Variants in MYH11 observed in about 807,000 individuals in gnomAD.
MYH11 encodes myosin heavy chain 11.
A neutral mutation model predicts 246.6 loss-of-function variants in MYH11; 80 were observed. That is an observed-to-expected ratio of 0.32 (90% CI 0.27 to 0.39). The LOEUF is 0.39. MYH11 is among the 10% of genes least tolerant of loss of function. MYH11 has a pLI of 1.00. For synonymous variants in MYH11, 1,071 were observed against 1,015.5 expected (o/e 1.05, Z -1.04); for missense variants, 2,158 against 2,546.8 (o/e 0.85, Z 3.29).
rs143069739 is a variant in MYH11, at chr16:15,798,850, G to T, written c.503-163C>A. ...TGGGCTCATTGCCCAGGCTACAGGG[G>T]CCACGACCAAAGCCAAAAGGGCAGC... On this transcript the variant is annotated intron_variant, in intron 3 of 40. Coordinates refer to ENST00000300036, the MANE Select transcript of MYH11 (RefSeq NM_002474.3). 4.0e-3 allele frequency among the ~76,000 whole-genome samples: 610 copies of T among 152,252 alleles called. 4 individuals carry two copies. Among genetic ancestry groups the T allele is most frequent in the African/African-American group, 0.014 (591 of 41,536 alleles).
intron 1 of MYH11, among the ~76,000 whole-genome samples, chr16:15,848,376 G>T (rs1023381286): frequency 1.3e-5 from 2 of 151,968 alleles, no homozygotes; most frequent in Non-Finnish European, 2.9e-5. Flanking sequence ...TGGGACTACA[G>T]GCATGCGCTA....
chr16:15,716,554 CTG>C (rs1244110943), intron 38 of MYH11, among the ~76,000 whole-genome samples: 4 of 152,152 alleles, frequency 2.6e-5, no homozygotes, highest in African/African-American at 9.6e-5. Flanking sequence ...AAGGGTCCCA[CTG>C]TGTCACCCAG....
intron 23 of MYH11, among the ~76,000 whole-genome samples, chr16:15,739,404 C>T (rs1380618363): frequency 2.0e-5 from 3 of 151,952 alleles, no homozygotes; most frequent in Non-Finnish European, 4.4e-5. Context: ...CCCGGCCTGC[C>T]GCACTCTTAA....
Position 15,717,120 on chromosome 16 carries a change from G to C in MYH11, c.5504+20C>G, listed in dbSNP as rs901538484. On this transcript the variant is annotated intron_variant, in intron 38 of 40. Transcript: ENST00000300036. The stretch of plus-strand genomic sequence containing the variant: ...CATCACCCCCCTGCAAACTGGGTTC[G>C]GAACTCCACACCCGCATACCTGGCC... The C allele has an allele frequency of 1.2e-6, 2 of 1,613,666 alleles. No homozygotes were observed. The highest frequency in any genetic ancestry group is 2.7e-5 in the African/African-American group (2 of 74,922).
chr16:15,710,200 C>T (rs2039701048), intron 40 of MYH11, among the ~76,000 whole-genome samples: 4 of 152,150 alleles, frequency 2.6e-5, no homozygotes, highest in Admixed American at 2.6e-4. Context: ...GGGGCAGAAC[C>T]CACAGGAGGT....
chr16:15,805,312 C>G (rs924131536), intron 3 of MYH11, among the ~76,000 whole-genome samples: 2 of 152,168 alleles, frequency 1.3e-5, no homozygotes, highest in African/African-American at 2.4e-5. Flanking sequence ...GTCACATGGC[C>G]TAGTGGTTCC....
intron 27 of MYH11, among the ~76,000 whole-genome samples, chr16:15,732,117 G>A (rs766831880): frequency 1.3e-4 from 19 of 150,088 alleles, no homozygotes; most frequent in African/African-American, 2.9e-4. Context: ...ATGCACCACC[G>A]CGCCCGGCTA....
intron 7 of MYH11, among the ~76,000 whole-genome samples, chr16:15,777,097 G>GACATACA: frequency 6.9e-6 from 1 of 145,436 alleles, no homozygotes; most frequent in Non-Finnish European, 1.5e-5. Context: ...GTATACACAC[G>GACATACA]CACACATACA....
intron 16 of MYH11, 83 bp from the exon 17 acceptor site, chr16:15,748,251 C>T (rs2041474182): frequency 3.1e-6 from 5 of 1,592,222 alleles, no homozygotes; most frequent in Non-Finnish European, 3.4e-6. Flanking sequence ...CCTGGATGAC[C>T]CACCTGGCCA....
At chr16:15,833,385 G>GGAAGGA (rs1567208143) in intron 2 of MYH11, among the ~76,000 whole-genome samples, 1,148 of 110,548 alleles carry the variant, frequency 0.01, 23 homozygotes, top group African/African-American at 0.033. Context: ...GGGAGGGAGG[G>GGAAGGA]AGGAAGGAAG....
intron 3 of MYH11, among the ~76,000 whole-genome samples, chr16:15,810,060 T>C (rs1401127716): frequency 6.6e-6 from 1 of 151,358 alleles, no homozygotes; most frequent in Non-Finnish European, 1.5e-5. Flanking sequence ...TGAGACGGAG[T>C]TTTGCTCTTG....
At chr16:15,850,447 C>T (rs1476017570) in intron 1 of MYH11, among the ~76,000 whole-genome samples, 1 of 152,148 alleles carries the variant, frequency 6.6e-6, no homozygotes, top group Non-Finnish European at 1.5e-5. Flanking sequence ...AGGATTTGCA[C>T]ATCACCTCAC....
chr16:15,797,150 GT>G (rs1486475023), intron 4 of MYH11, among the ~76,000 whole-genome samples: 29 of 152,006 alleles, frequency 1.9e-4, no homozygotes, highest in Admixed American at 1.9e-3. Context: ...AATTGCCTTT[GT>G]TTTATTGTTT....
intron 4 of MYH11, among the ~76,000 whole-genome samples, chr16:15,788,383 C>T (rs1019491940): frequency 2.0e-5 from 3 of 151,658 alleles, no homozygotes; most frequent in Admixed American, 1.3e-4. Flanking sequence ...TTGTTCACCC[C>T]GAGGTCAGCC....
At chr16:15,805,125 C>A (rs1259106459) in intron 3 of MYH11, among the ~76,000 whole-genome samples, 2 of 152,184 alleles carry the variant, frequency 1.3e-5, no homozygotes, top group Admixed American at 6.5e-5. Flanking sequence ...ACTTGACCTC[C>A]TACCTGCAGG....
At position 15,771,593 on chromosome 16, in the gene MYH11, C is replaced by T. The variant is rs1393758073; in HGVS notation, c.1009G>A (p.Gly337Ser). 1.2e-6 allele frequency: 2 copies of T among 1,613,886 alleles called. No individual in the cohort carries two copies. Among genetic ancestry groups the T allele is most frequent in the Non-Finnish European group, 1.7e-6 (2 of 1,180,024 alleles). ...QETVEAMAIM[G>S]FSEEEQLSIL... ...CATAGCTGCTCCTCCTCGCTGAAAC[C>T]CATGATTGCCATGGCCTCCACGGTT... Residue 337 changes from glycine to serine, a missense_variant, in exon 9 of 41, where the codon GGT becomes AGT. By Grantham distance (56) the Gly-to-Ser change is moderately conservative (BLOSUM62 0). Coordinates refer to ENST00000300036, the MANE Select transcript of MYH11 (RefSeq NM_002474.3).
At chr16:15,800,186 G>A (rs1253739285) in intron 3 of MYH11, among the ~76,000 whole-genome samples, 2 of 151,812 alleles carry the variant, frequency 1.3e-5, no homozygotes, top group Admixed American at 6.6e-5. Context: ...GCAAGTGAGT[G>A]GAAGGAAGGA....
intron 5 of MYH11, chr16:15,784,746 A>G (rs765565119): frequency 3.1e-6 from 5 of 1,613,612 alleles, no homozygotes; most frequent in Non-Finnish European, 4.2e-6. Context: ...AGTATAAAAC[A>G]AATGTCAGCG....
At chr16:15,819,884 G>A (rs79771122) in intron 3 of MYH11, among the ~76,000 whole-genome samples, 2,316 of 152,216 alleles carry the variant, frequency 0.015, 23 homozygotes, top group South Asian at 0.027. Flanking sequence ...CTACAAGAGC[G>A]ATCAAACTCC....
Sources: allele counts gnomAD v4.1 joint callset (sites outside exome capture counted in the v4.1 genomes callset), GRCh38; gene constraint gnomAD v4.1.1; transcripts MANE v1.5; gene names NCBI Gene and HGNC (gene_info 2026-07-23, HGNC 2026-07-21).